PTPRG: variants seen among roughly 807,000 people sequenced by gnomAD.
PTPRG encodes the protein protein tyrosine phosphatase receptor type G.
A neutral mutation model predicts 165.3 loss-of-function variants in PTPRG; 102 were observed. That is an observed-to-expected ratio of 0.62 (90% CI 0.53 to 0.73). The LOEUF (loss-of-function observed/expected upper bound fraction) is 0.73, where lower values mean the gene tolerates loss of function less well. Among genes scored for constraint, PTPRG ranks in the 30% least tolerant of loss-of-function variants. The pLI is 0.00. For synonymous variants in PTPRG, 675 were observed against 669.5 expected (o/e 1.01, Z -0.13); for missense variants, 1,866 against 1,861.4 (o/e 1.00, Z -0.05).
At chr3:62,071,989 T>C (rs1701223672) in intron 4 of PTPRG, among the ~76,000 whole-genome samples, 1 of 152,194 alleles carries the variant, frequency 6.6e-6, no homozygotes, top group South Asian at 2.1e-4. Context: ...ATTTGTTGCT[T>C]TCTATTCATT....
chr3:61,960,710 A>G (rs1198518955), intron 2 of PTPRG, among the ~76,000 whole-genome samples: 1 of 152,160 alleles, frequency 6.6e-6, no homozygotes, highest in Non-Finnish European at 1.5e-5. Flanking sequence ...CTTCTGGATC[A>G]GAAGACAAGA....
intron 1 of PTPRG, among the ~76,000 whole-genome samples, chr3:61,639,319 C>T (rs1307366780): frequency 1.3e-5 from 2 of 152,134 alleles, no homozygotes; most frequent in East Asian, 3.9e-4. Flanking sequence ...AGCCTTATAG[C>T]ATAGTTTAAA....
chr3:62,140,482 G>T (rs1393632230), intron 6 of PTPRG, among the ~76,000 whole-genome samples: 1 of 152,146 alleles, frequency 6.6e-6, no homozygotes, highest in African/African-American at 2.4e-5. Context: ...GGTAATGCAT[G>T]ATTCCATTTA....
At chr3:62,048,686 A>G (rs1019942302) in intron 4 of PTPRG, among the ~76,000 whole-genome samples, 2 of 152,216 alleles carry the variant, frequency 1.3e-5, no homozygotes, top group African/African-American at 2.4e-5. Context: ...AAATGGTGCT[A>G]TTAGCAGACT....
At chr3:62,080,720 G>C (rs747208510) in intron 5 of PTPRG, among the ~76,000 whole-genome samples, 34 of 151,972 alleles carry the variant, frequency 2.2e-4, no homozygotes, top group Non-Finnish European at 4.4e-5. Flanking sequence ...ATTTTTTTCA[G>C]CTCTATAAAC....
chr3:61,742,249 T>C (rs1395704685), intron 1 of PTPRG, among the ~76,000 whole-genome samples: 4 of 152,122 alleles, frequency 2.6e-5, no homozygotes, highest in African/African-American at 9.7e-5. Context: ...ATCTGCTTTT[T>C]TATTCTGGAA....
chr3:61,818,889 GAATAGTGA>G (rs140709505), intron 2 of PTPRG, among the ~76,000 whole-genome samples: 22,865 of 133,156 alleles, frequency 0.17, 1,795 homozygotes, highest in South Asian at 0.23. Context: ...GTGAAATAGT[GAATAGTGA>G]AATAGTGAAA....
At chr3:61,578,822 T>G (rs745754823) in intron 1 of PTPRG, among the ~76,000 whole-genome samples, 4 of 152,180 alleles carry the variant, frequency 2.6e-5, no homozygotes, top group Non-Finnish European at 5.9e-5. Context: ...CCTGTTTAAT[T>G]GTTTTTGAGG....
Position 61,765,706 on chromosome 3 carries a change from T to G in PTPRG, c.190+16724T>G, listed in dbSNP as rs887594749. On this transcript the variant is annotated intron_variant, in intron 2 of 29. Coordinates refer to ENST00000474889, the MANE Select transcript of PTPRG (RefSeq NM_002841.4). ...AGCTTTTTGTCAAGTGTCAGCACCT[T>G]AATATTTGATAAGGGTTACATAAAT... 2.0e-5 allele frequency among the ~76,000 whole-genome samples: 3 copies of G among 152,310 alleles called. No homozygotes were observed. The East Asian group carries it at 5.8e-4, about 29-fold the overall frequency.
intron 2 of PTPRG, among the ~76,000 whole-genome samples, chr3:61,797,061 G>T (rs923835290): frequency 6.6e-6 from 1 of 152,190 alleles, no homozygotes; most frequent in African/African-American, 2.4e-5. Flanking sequence ...TCCTGGTTTT[G>T]CGAGGTTGTT....
At chr3:61,695,944 G>T (rs1032818607) in intron 1 of PTPRG, among the ~76,000 whole-genome samples, 1 of 152,278 alleles carries the variant, frequency 6.6e-6, no homozygotes, top group East Asian at 1.9e-4. Context: ...ATGAGTGAAT[G>T]AGTATGTTGG....
At position 61,707,349 on chromosome 3, in the gene PTPRG, TG is replaced by T. The variant is rs1449199524; in HGVS notation, c.86-41523del. On this transcript the variant is annotated intron_variant, in intron 1 of 29. Coordinates refer to ENST00000474889, the MANE Select transcript of PTPRG (RefSeq NM_002841.4). ...TATAACAAATTGGCTCATCGGATTA[TG>T]GGGGGTGACAAGTTCCAAGATCTGC... Among the ~76,000 whole-genome samples, 5 of 152,304 alleles carry T rather than the reference TG, an allele frequency of 3.3e-5. No individual in the cohort carries two copies. The East Asian group carries it at 9.6e-4, about 29-fold the overall frequency.
At chr3:62,226,477 GAGA>G (rs1700766570) in intron 13 of PTPRG, among the ~76,000 whole-genome samples, 1 of 152,184 alleles carries the variant, frequency 6.6e-6, no homozygotes, top group African/African-American at 2.4e-5. Flanking sequence ...TCCATTATTT[GAGA>G]AGATTTTTAT....
intron 4 of PTPRG, among the ~76,000 whole-genome samples, chr3:62,019,423 T>C (rs542143007): frequency 1.3e-5 from 2 of 150,274 alleles, no homozygotes; most frequent in South Asian, 4.2e-4. Context: ...CTTGGGAGGC[T>C]GAGAAGGGAG....
intron 4 of PTPRG, among the ~76,000 whole-genome samples, chr3:62,063,541 G>C (rs10428243): frequency 0.12 from 18,856 of 152,242 alleles, 1,320 homozygotes; most frequent in Admixed American, 0.21. Flanking sequence ...ATAGTGCACA[G>C]TGTAATTTTA....
At chr3:61,946,417 G>C (rs1238442917) in intron 2 of PTPRG, among the ~76,000 whole-genome samples, 1 of 152,178 alleles carries the variant, frequency 6.6e-6, no homozygotes, top group Admixed American at 6.5e-5. Context: ...ATTTAATTTA[G>C]AAATGACTTC....
intron 15 of PTPRG, among the ~76,000 whole-genome samples, chr3:62,249,099 A>G (rs2106965755): frequency 6.6e-6 from 1 of 152,334 alleles, no homozygotes; most frequent in Non-Finnish European, 1.5e-5. Context: ...TTTTTATGGC[A>G]GGAAATAAAA....
At chr3:61,887,170 A>ATATTTTTT (rs60282456) in intron 2 of PTPRG, among the ~76,000 whole-genome samples, 3 of 115,524 alleles carry the variant, frequency 2.6e-5, no homozygotes, top group Admixed American at 1.9e-4. Context: ...ATATATATAT[A>ATATTTTTT]TTTTTAATGC....
At chr3:62,144,679 T>C (rs1704055636) in intron 6 of PTPRG, among the ~76,000 whole-genome samples, 1 of 152,156 alleles carries the variant, frequency 6.6e-6, no homozygotes, top group African/African-American at 2.4e-5. Context: ...CTCAAAATCT[T>C]CTAGAAACAG....
Sources: gnomAD v4.1 joint callset for allele counts (sites outside exome capture counted in the v4.1 genomes callset) on GRCh38, gnomAD v4.1.1 for gene constraint, MANE v1.5 for transcripts, NCBI Gene and HGNC (gene_info 2026-07-23, HGNC 2026-07-21) for gene names.